DENND1A: variants seen among roughly 807,000 people sequenced by gnomAD.
DENND1A encodes the protein DENN domain containing 1A, also known as DENN domain-containing protein 1A.
DENND1A carries 51 observed loss-of-function variants against 113.7 expected under a neutral mutation model. That is an observed-to-expected ratio of 0.45 (90% CI 0.36 to 0.57). The LOEUF is 0.57. DENND1A is among the 20% of genes least tolerant of loss of function. The pLI is 0.00. For missense variants in DENND1A, 1,258 were observed against 1,395.9 expected (o/e 0.90, Z 1.57); for synonymous variants, 565 against 570.8 (o/e 0.99, Z 0.14).
At chr9:123,557,453 C>T in intron 13 of DENND1A, 117 bp downstream of exon 13, 1 of 1,470,732 alleles carries the variant, frequency 6.8e-7, no homozygotes, top group Non-Finnish European at 9.2e-7. Context: ...CAAACACACA[C>T]AAGCTCTTCT....
chr9:123,444,660 T>C (rs2047168797), intron 18 of DENND1A, among the ~76,000 whole-genome samples: 2 of 151,902 alleles, frequency 1.3e-5, no homozygotes, highest in South Asian at 4.2e-4. Context: ...CAAAACAAAA[T>C]AAAATAAAGA....
At chr9:123,752,982 G>C (rs2070193652) in intron 5 of DENND1A, among the ~76,000 whole-genome samples, 1 of 152,208 alleles carries the variant, frequency 6.6e-6, no homozygotes, top group South Asian at 2.1e-4. Context: ...TTCAGTGGCA[G>C]GAACTAGTCA....
At chr9:123,488,624 G>A (rs1027429162) in intron 13 of DENND1A, among the ~76,000 whole-genome samples, 2 of 152,174 alleles carry the variant, frequency 1.3e-5, no homozygotes, top group African/African-American at 2.4e-5. Context: ...TCCTTAGGGG[G>A]CCTCCCCACT....
intron 10 of DENND1A, among the ~76,000 whole-genome samples, chr9:123,628,769 G>A (rs1417885895): frequency 6.6e-6 from 1 of 152,170 alleles, no homozygotes; most frequent in Non-Finnish European, 1.5e-5. Flanking sequence ...TGAAAAAAAT[G>A]TGGGGTTCAG....
At chr9:123,550,951 G>A (rs2057007554) in intron 13 of DENND1A, among the ~76,000 whole-genome samples, 1 of 152,154 alleles carries the variant, frequency 6.6e-6, no homozygotes, top group Non-Finnish European at 1.5e-5. Flanking sequence ...AACACACACT[G>A]CTACTCCCAG....
intron 8 of DENND1A, among the ~76,000 whole-genome samples, chr9:123,652,899 A>G (rs1271427628): frequency 6.6e-6 from 1 of 152,282 alleles, no homozygotes; most frequent in East Asian, 1.9e-4. Flanking sequence ...TTCAGATTTC[A>G]GAAAAAAAAT....
At chr9:123,635,356 G>A (rs2061652981) in intron 9 of DENND1A, among the ~76,000 whole-genome samples, 1 of 152,242 alleles carries the variant, frequency 6.6e-6, no homozygotes, top group Non-Finnish European at 1.5e-5. Flanking sequence ...CAGTTTCAGA[G>A]GTGAAATAAC....
chr9:123,415,034 C>T (rs1316421475), intron 19 of DENND1A, among the ~76,000 whole-genome samples: 2 of 152,190 alleles, frequency 1.3e-5, no homozygotes, highest in African/African-American at 2.4e-5. Flanking sequence ...GAAGTGCTGG[C>T]TGTTTTGCAA....
intron 9 of DENND1A, among the ~76,000 whole-genome samples, chr9:123,632,645 C>T (rs1302010539): frequency 2.0e-5 from 3 of 152,104 alleles, no homozygotes; most frequent in African/African-American, 2.4e-5. Flanking sequence ...AAGCCTGGCC[C>T]GGATGGCTCC....
chr9:123,929,959 G>T lies in DENND1A; in HGVS notation c.-54C>A. 3.8e-6 allele frequency: 1 copy of T among 265,076 alleles called. No individual in the cohort carries two copies. The highest frequency in any genetic ancestry group is 7.0e-5 in the East Asian group (1 of 14,328). The allele number at this position is 265,076 out of a possible 1,614,324, so 16.4% of individuals were successfully genotyped here. ...GGCCCCGCTCGGCGCTGCGCTGCCC[G>T]CCCGCCCGCGGCCGACCGGCCTCCC... On this transcript the variant is annotated 5_prime_UTR_variant, in exon 1 of 24. Coordinates refer to ENST00000394215, the MANE Select transcript of DENND1A (RefSeq NM_001352964.2).
chr9:123,792,860 C>A (rs1187863938), intron 2 of DENND1A, among the ~76,000 whole-genome samples: 3 of 152,214 alleles, frequency 2.0e-5, no homozygotes, highest in Non-Finnish European at 4.4e-5. Flanking sequence ...CTACTGTTAA[C>A]TTTAGACTAT....
chr9:123,707,844 T>C (rs953316482), intron 5 of DENND1A, among the ~76,000 whole-genome samples: 15 of 152,136 alleles, frequency 9.9e-5, no homozygotes, highest in Admixed American at 2.6e-4. Context: ...TCCACTAAGA[T>C]AGGAGAAATA....
At chr9:123,726,340 A>G (rs946540740) in intron 5 of DENND1A, among the ~76,000 whole-genome samples, 4 of 152,234 alleles carry the variant, frequency 2.6e-5, no homozygotes, top group African/African-American at 7.2e-5. Flanking sequence ...AGATAATTCA[A>G]TAATAACGTG....
chr9:123,590,347 C>T (rs536640876), intron 11 of DENND1A, among the ~76,000 whole-genome samples: 78 of 152,238 alleles, frequency 5.1e-4, no homozygotes, highest in Non-Finnish European at 1.0e-3. Flanking sequence ...GCAGACAATT[C>T]GTGAATGAAT....
chr9:123,743,105 A>G (rs2069158434), intron 5 of DENND1A, among the ~76,000 whole-genome samples: 1 of 151,454 alleles, frequency 6.6e-6, no homozygotes, highest in African/African-American at 2.4e-5. Flanking sequence ...TATGTCCATT[A>G]AAAAAAAATC....
At chr9:123,395,496 CAGAGAGAG>C (rs143432983) in intron 21 of DENND1A, among the ~76,000 whole-genome samples, 11,085 of 105,590 alleles carry the variant, frequency 0.1, 487 homozygotes, top group East Asian at 0.25. Flanking sequence ...GTGTGTGTGA[CAGAGAGAG>C]AGAGAGAGAG....
chr9:123,865,320 A>G (rs1192065003), intron 2 of DENND1A, among the ~76,000 whole-genome samples: 1 of 152,224 alleles, frequency 6.6e-6, no homozygotes, highest in Non-Finnish European at 1.5e-5. Context: ...CATTCAGCAA[A>G]AACAAGAGAA....
At chr9:123,618,885 A>G (rs1017167048) in intron 10 of DENND1A, among the ~76,000 whole-genome samples, 32 of 152,202 alleles carry the variant, frequency 2.1e-4, no homozygotes, top group African/African-American at 6.8e-4. Context: ...AGACTAACCC[A>G]TTTTTATAGA....
intron 13 of DENND1A, among the ~76,000 whole-genome samples, chr9:123,555,419 C>A (rs563017021): frequency 6.6e-6 from 1 of 152,346 alleles, no homozygotes; most frequent in South Asian, 2.1e-4. Context: ...CATCTCCCCA[C>A]CCAATTGCTC....
Sources: gnomAD v4.1 joint callset for allele counts (sites outside exome capture counted in the v4.1 genomes callset) on GRCh38, gnomAD v4.1.1 for gene constraint, MANE v1.5 for transcripts, NCBI Gene and HGNC (gene_info 2026-07-23, HGNC 2026-07-21) for gene names.